Variants in IPP observed in about 807,000 individuals in gnomAD.
The protein encoded by IPP is actin-binding protein IPP.
In IPP, 41 loss-of-function variants were observed where a neutral mutation model predicts 64.1. The ratio of observed to expected loss-of-function variants is 0.64; its 90% confidence interval spans 0.50 to 0.83. The LOEUF (loss-of-function observed/expected upper bound fraction) is 0.83. Ranked by LOEUF, IPP falls within the 40% of genes least tolerant of loss-of-function variation. The pLI, the probability that IPP is intolerant of heterozygous loss-of-function variation, is 0.00. For missense variants in IPP, 649 were observed against 703.0 expected (o/e 0.92, Z 0.87); for synonymous variants, 214 against 235.2 (o/e 0.91, Z 0.83).
chr1:45,746,308 T>G lies in IPP; in HGVS notation c.104A>C (p.His35Pro). 6.2e-7 allele frequency: 1 copy of G among 1,614,170 alleles called. No individual in the cohort carries two copies. Among genetic ancestry groups the G allele is most frequent in the Non-Finnish European group, 8.5e-7 (1 of 1,179,984 alleles). The change falls in exon 2 of 9, where the codon CAT (histidine) becomes CCT (proline). Residue 35 changes from histidine to proline, a missense_variant. By Grantham distance (77) the His-to-Pro change is moderately conservative (BLOSUM62 -2). Coordinates refer to ENST00000396478, the MANE Select transcript of IPP (RefSeq NM_005897.3). ...AQINKMRNGQ[H>P]FCDVQLQVGQ... is the part of the protein sequence containing the mutation. ...AACTTGCAGCTGCACATCACAGAAA[T>G]GCTGTCCATTTCTCATCTTATTGAT...
At chr1:45,749,748 C>T (rs1020253761) in intron 1 of IPP, among the ~76,000 whole-genome samples, 7 of 151,868 alleles carry the variant, frequency 4.6e-5, no homozygotes, top group African/African-American at 1.7e-4. Context: ...TCTCGATCTC[C>T]TGACCTCGTG....
Position 45,733,737 on chromosome 1 carries a change from C to T in IPP, c.725-3968G>A, listed in dbSNP as rs187427013. 1.1e-4 allele frequency among the ~76,000 whole-genome samples: 17 copies of T among 151,414 alleles called. No individual in the cohort carries two copies. The East Asian group carries it at 3.3e-3, about 29-fold the overall frequency. ...ATCCCAGCTACTCGGGAGGCTGAGG[C>T]AGGAGAATCGATTGAACCTGGGAGG... On this transcript the variant is annotated intron_variant, in intron 3 of 8. Coordinates refer to ENST00000396478, the MANE Select transcript of IPP (RefSeq NM_005897.3).
chr1:45,738,959 CT>C (rs1646020525), intron 3 of IPP, among the ~76,000 whole-genome samples: 1 of 151,544 alleles, frequency 6.6e-6, no homozygotes, highest in Non-Finnish European at 1.5e-5. Flanking sequence ...TGTATTTCCC[CT>C]AGGAGCAATT....
At chr1:45,738,839 C>CAAA (rs752168393) in intron 3 of IPP, among the ~76,000 whole-genome samples, 17 of 7,672 alleles carry the variant, frequency 2.2e-3, no homozygotes, top group South Asian at 4.3e-3. Flanking sequence ...GACTCCATCT[C>CAAA]AAAAAAAAAA....
intron 1 of IPP, among the ~76,000 whole-genome samples, chr1:45,749,504 T>G (rs1646187823): frequency 6.8e-6 from 1 of 146,152 alleles, no homozygotes; most frequent in African/African-American, 2.5e-5. Flanking sequence ...GTTTTTTTTT[T>G]TTGTTTTGTT....
intron 8 of IPP, among the ~76,000 whole-genome samples, chr1:45,709,432 C>CAAAAAAAAAAAAA (rs71058701): frequency 1.5e-5 from 1 of 66,184 alleles, no homozygotes; most frequent in African/African-American, 7.6e-5. Flanking sequence ...GACTCCGTCT[C>CAAAAAAAAAAAAA]AAAAAAAAAA....
chr1:45,725,697 T>C (rs1450995153), intron 5 of IPP, among the ~76,000 whole-genome samples: 3 of 140,536 alleles, frequency 2.1e-5, no homozygotes, highest in African/African-American at 7.8e-5. Flanking sequence ...GCCGGGTCTG[T>C]GTGGATAGAA....
chr1:45,695,310 GTGCA>G (rs1645377571), downstream of IPP, among the ~76,000 whole-genome samples: 1 of 151,950 alleles, frequency 6.6e-6, no homozygotes, highest in Non-Finnish European at 1.5e-5. Context: ...GACTACAGTT[GTGCA>G]CCACTATGCC....
At chr1:45,732,370 A>AAAC (rs1570022883) in intron 3 of IPP, among the ~76,000 whole-genome samples, 1 of 151,128 alleles carries the variant, frequency 6.6e-6, no homozygotes, top group East Asian at 1.9e-4. Flanking sequence ...TCAAAAAAAA[A>AAAC]AAAAAAAAAA....
At chr1:45,725,569 C>A (rs1379453163) in intron 5 of IPP, among the ~76,000 whole-genome samples, 2 of 132,004 alleles carry the variant, frequency 1.5e-5, no homozygotes, top group African/African-American at 5.6e-5. Flanking sequence ...TGCCCGGCCA[C>A]GACCCCGTCT....
At chr1:45,709,243 C>G (rs1005080138) in intron 8 of IPP, among the ~76,000 whole-genome samples, 3 of 148,582 alleles carry the variant, frequency 2.0e-5, no homozygotes, top group African/African-American at 7.4e-5. Flanking sequence ...ACCATCCTGG[C>G]TAACAGAGTG....
chr1:45,747,598 C>A (rs974322537), intron 1 of IPP, among the ~76,000 whole-genome samples: 4 of 151,972 alleles, frequency 2.6e-5, no homozygotes, highest in Non-Finnish European at 1.5e-5. Context: ...GATGCTGAGG[C>A]GTGAGGATCA....
chr1:45,737,160 A>G (rs182193452), intron 3 of IPP, among the ~76,000 whole-genome samples: 101 of 152,270 alleles, frequency 6.6e-4, no homozygotes, highest in African/African-American at 2.3e-3. Context: ...ACACTTGGAA[A>G]AACCAACTCA....
chr1:45,729,625 AG>A lies in IPP; in HGVS notation c.868del (p.Leu290CysfsTer4). The A allele has an allele frequency of 6.2e-7, 1 of 1,611,594 alleles. No homozygotes were observed. Among genetic ancestry groups the A allele is most frequent in the South Asian group, 1.1e-5 (1 of 90,444 alleles). On this transcript the variant is annotated frameshift_variant, in exon 4 of 9. Transcript: ENST00000396478. LOFTEE classifies it high-confidence loss of function. Reference protein sequence around the residue: ...VRPRKKARKYLYAVGGYTRLQ... With the variant: ...VRPRKKARKYXYAVGGYTRLQ... ...AAGGGCTCTCTCACCTACTGCATAC[AG>A]GTACTTTCTTGCTTTCTTCCGAGGT...
chr1:45,749,344 A>C (rs755483463), intron 1 of IPP, among the ~76,000 whole-genome samples: 7 of 152,186 alleles, frequency 4.6e-5, no homozygotes, highest in Non-Finnish European at 8.8e-5. Context: ...TGGAGTGACC[A>C]TATTTCCAAA....
At chr1:45,706,318 A>C (rs1030406839) in intron 8 of IPP, among the ~76,000 whole-genome samples, 15 of 152,212 alleles carry the variant, frequency 9.9e-5, no homozygotes, top group African/African-American at 3.1e-4. Flanking sequence ...ACAAGTCTCA[A>C]GCTGGGTACC....
chr1:45,715,108 T>C (rs1645639768), intron 7 of IPP, among the ~76,000 whole-genome samples: 1 of 147,642 alleles, frequency 6.8e-6, no homozygotes, highest in South Asian at 2.1e-4. Context: ...GGTGGGAGGA[T>C]GGCTTGAGCG....
At position 45,703,738 on chromosome 1, in the gene IPP, G is replaced by A. The variant is rs372026089; in HGVS notation, c.1531-3548C>T. Among the ~76,000 whole-genome samples, 438 of 152,160 alleles carry A rather than the reference G, an allele frequency of 2.9e-3. 1 individual carries two copies. Among genetic ancestry groups the A allele is most frequent in the African/African-American group, 9.5e-3 (394 of 41,526 alleles). On this transcript the variant is annotated intron_variant, in intron 8 of 8. Coordinates refer to ENST00000396478, the MANE Select transcript of IPP (RefSeq NM_005897.3). ...ATTAGTATTCCATGGAAATTAATTC[G>A]GAAAAAGCTGGCCTAACCTGTAAGT...
rs144583434 is a variant in IPP, at chr1:45,749,165, A to G, written c.-51+1432T>C. 4.1e-4 allele frequency among the ~76,000 whole-genome samples: 62 copies of G among 152,320 alleles called. 1 individual carries two copies. The South Asian group carries it at 6.2e-3, about 15-fold the overall frequency. On this transcript the variant is annotated intron_variant, in intron 1 of 8. Transcript: ENST00000396478. The stretch of plus-strand genomic sequence containing the variant: ...CTCTGTCCCCTACTTCAAGGCATCA[A>G]GCACAGCCACTGAGCTAAAATGCTG...
Sources: allele counts gnomAD v4.1 joint callset (sites outside exome capture counted in the v4.1 genomes callset), GRCh38; gene constraint gnomAD v4.1.1; transcripts MANE v1.5; gene names NCBI Gene and HGNC (gene_info 2026-07-23, HGNC 2026-07-21).